The following BRIP1 variants were observed in gnomAD, a reference collection of about 807,000 sequenced individuals.
BRIP1 encodes the protein Fanconi anemia group J protein.
Under a neutral mutation model 119.7 loss-of-function variants are expected in BRIP1, and 88 were observed. That is an observed-to-expected ratio of 0.74 (90% CI 0.62 to 0.88). BRIP1 has a LOEUF of 0.88. BRIP1 is among the 40% of genes least tolerant of loss of function. BRIP1 has a pLI of 0.00. For missense variants in BRIP1, 1,259 were observed against 1,455.4 expected (o/e 0.87, Z 2.20); for synonymous variants, 443 against 496.5 (o/e 0.89, Z 1.43).
chr17:61,765,193 A>G (rs1477710655), intron 14 of BRIP1, among the ~76,000 whole-genome samples: 1 of 150,732 alleles, frequency 6.6e-6, no homozygotes, highest in Non-Finnish European at 1.5e-5. Flanking sequence ...GCATCAAAAA[A>G]TTGACCAAGA....
rs957169880 is a variant in BRIP1, at chr17:61,743,504, T to C, written c.2258-370A>G. ...CCTGAAAGTAAAATTCTCAGAATAA[T>C]TGAAATAATTGTAATTGATAATACA... On this transcript the variant is annotated intron_variant, in intron 15 of 19. Transcript: ENST00000259008. The surrounding 1 kb of genome is among the most constrained non-coding windows in gnomAD (Gnocchi z 4.3). Among the ~76,000 whole-genome samples the C allele has an allele frequency of 6.6e-6, 1 of 152,138 alleles. No individual in the cohort carries two copies. The highest frequency in any genetic ancestry group is 2.4e-5 in the African/African-American group (1 of 41,426).
rs2078511918 is a variant in BRIP1, at chr17:61,832,736, G to A, written c.627+14365C>T. Among the ~76,000 whole-genome samples, 1 of 152,166 alleles carries A rather than the reference G, an allele frequency of 6.6e-6. No homozygotes were observed. Among genetic ancestry groups the A allele is most frequent in the African/African-American group, 2.4e-5 (1 of 41,430 alleles). The stretch of plus-strand genomic sequence containing the variant: ...CTAAATGCAATGCATGGTTCTGACT[G>A]GATTCTTTTGCTTTTATAAAAGCGT... On this transcript the variant is annotated intron_variant, in intron 6 of 19. Transcript: ENST00000259008. The surrounding 1 kb of genome is among the most constrained non-coding windows in gnomAD (Gnocchi z 5.5).
intron 10 of BRIP1, among the ~76,000 whole-genome samples, chr17:61,787,413 T>TTTATATAAAA (rs2077744983): frequency 2.8e-5 from 3 of 108,206 alleles, no homozygotes; most frequent in Non-Finnish European, 5.7e-5. Context: ...TATAAAATAT[T>TTTATATAAAA]TATATAAAAT....
chr17:61,679,256 A>T lies in BRIP1; in HGVS notation c.*4040T>A, dbSNP rs111580456. Among the ~76,000 whole-genome samples the T allele has an allele frequency of 3.5e-3, 527 of 152,362 alleles. 3 individuals are homozygous for T. The highest frequency in any genetic ancestry group is 6.1e-3 in the Non-Finnish European group (414 of 68,028). The stretch of plus-strand genomic sequence containing the variant: ...TTGAATAGAAAGATCTTAACAACAA[A>T]GCCTTATAGAAACTTAGAAACAGTG... On this transcript the variant is annotated 3_prime_UTR_variant, in exon 20 of 20. Coordinates refer to ENST00000259008, the MANE Select transcript of BRIP1 (RefSeq NM_032043.3). This position sits in a 1 kb window ranked among gnomAD's most constrained non-coding sequence, Gnocchi z 4.4.
In BRIP1 at chr17:61,699,520, T is replaced by C. The variant is rs979455041; in HGVS notation, c.2493-6008A>G. Among the ~76,000 whole-genome samples, 1 of 152,198 alleles carries C rather than the reference T, an allele frequency of 6.6e-6. No homozygotes were observed. Among genetic ancestry groups the C allele is most frequent in the Non-Finnish European group, 1.5e-5 (1 of 68,034 alleles). On this transcript the variant is annotated intron_variant, in intron 17 of 19. Transcript: ENST00000259008. The surrounding 1 kb of genome is among the most constrained non-coding windows in gnomAD (Gnocchi z 4.8). ...TAAACTAGTCAGGAAAATTGCCAAC[T>C]TAATTTCAATAGTACAAAAAAATGG... is the stretch of plus-strand genomic sequence containing the variant.
At position 61,861,661 on chromosome 17, in the gene BRIP1, C is replaced by T. The variant is rs1205333558; in HGVS notation, c.-30-92G>A. ...TAAGGGAGAAATCTGGAAACAGAAA[C>T]TGGAATTAATAAAAGTATAAACAAA... On this transcript the variant is annotated intron_variant, in intron 1 of 19. Coordinates refer to ENST00000259008, the MANE Select transcript of BRIP1 (RefSeq NM_032043.3). The surrounding 1 kb of genome is among the most constrained non-coding windows in gnomAD (Gnocchi z 4.5). 4.1e-6 allele frequency: 3 copies of T among 726,194 alleles called. No individual in the cohort carries two copies. In the South Asian group the frequency reaches 4.6e-5, roughly 11 times the overall value. The allele number at this position is 726,194 out of a possible 1,614,324, so 45.0% of individuals were successfully genotyped here. A position where few individuals can be genotyped will look rare whatever the true frequency, so the allele number is the denominator to read the frequency against.
Position 61,852,121 on chromosome 17 carries a change from G to T in BRIP1, c.380-2865C>A, listed in dbSNP as rs1048162457. 5.9e-5 allele frequency among the ~76,000 whole-genome samples: 9 copies of T among 152,304 alleles called. No individual in the cohort carries two copies. The highest frequency in any genetic ancestry group is 5.9e-4 in the Admixed American group (9 of 15,292). ...TGGGCCTATTAAGAGGGTAGGGAAT[G>T]TCCACCCAAAATGATCATTTAGTTT... is the stretch of plus-strand genomic sequence containing the variant. On this transcript the variant is annotated intron_variant, in intron 4 of 19. Transcript: ENST00000259008. The surrounding 1 kb of genome is among the most constrained non-coding windows in gnomAD (Gnocchi z 4.9).
rs1013467000 is a variant in BRIP1 at position 61,693,005 on chromosome 17, G to T, written c.2575+425C>A. ...CAGATGAATGGATAAAGAAAATATG[G>T]TATAATGTATACATAAAATAAAATA... On this transcript the variant is annotated intron_variant, in intron 18 of 19. Coordinates refer to ENST00000259008, the MANE Select transcript of BRIP1 (RefSeq NM_032043.3). This position sits in a 1 kb window ranked among gnomAD's most constrained non-coding sequence, Gnocchi z 4.2. Among the ~76,000 whole-genome samples, 4 of 152,036 alleles carry T rather than the reference G, an allele frequency of 2.6e-5. No individual in the cohort carries two copies. Among genetic ancestry groups the T allele is most frequent in the African/African-American group, 9.7e-5 (4 of 41,380 alleles).
At position 61,846,009 on chromosome 17, in the gene BRIP1, C is replaced by T. The variant is rs1021368683; in HGVS notation, c.627+1092G>A. On this transcript the variant is annotated intron_variant, in intron 6 of 19. Transcript: ENST00000259008. This position sits in a 1 kb window ranked among gnomAD's most constrained non-coding sequence, Gnocchi z 4.3. ...CATCCTGGCTAACGTGGTGAAACCCCGTCTCTACTAAAAATACAAAAAATT... is the reference window on the plus strand; with the variant it reads ...CATCCTGGCTAACGTGGTGAAACCCTGTCTCTACTAAAAATACAAAAAATT... 6.6e-6 allele frequency among the ~76,000 whole-genome samples: 1 copy of T among 151,636 alleles called. No individual in the cohort carries two copies. Among genetic ancestry groups the T allele is most frequent in the Non-Finnish European group, 1.5e-5 (1 of 67,924 alleles).
rs2078541055 is a variant in BRIP1 at position 61,834,454 on chromosome 17, T to C, written c.627+12647A>G. Among the ~76,000 whole-genome samples, 1 of 152,134 alleles carries C rather than the reference T, an allele frequency of 6.6e-6. No homozygotes were observed. The highest frequency in any genetic ancestry group is 2.4e-5 in the African/African-American group (1 of 41,416). On this transcript the variant is annotated intron_variant, in intron 6 of 19. Transcript: ENST00000259008. The surrounding 1 kb of genome is among the most constrained non-coding windows in gnomAD (Gnocchi z 4.4). Reference sequence around the variant, plus strand: ...GTTCTCTATGGTGGAAATGTTTACATATATACTCAGTTGATACTGGGTATA... The same window carrying C: ...GTTCTCTATGGTGGAAATGTTTACACATATACTCAGTTGATACTGGGTATA...
rs2078398507 is a variant in BRIP1 at position 61,825,792 on chromosome 17, A to G, written c.628-17035T>C. ...GAAAAAACCTTCCATGTTCATGGAT[A>G]GGAATAATCAGTATCATTAAAAAGG... On this transcript the variant is annotated intron_variant, in intron 6 of 19. Transcript: ENST00000259008. The surrounding 1 kb of genome is among the most constrained non-coding windows in gnomAD (Gnocchi z 4.1). Among the ~76,000 whole-genome samples, 1 of 152,142 alleles carries G rather than the reference A, an allele frequency of 6.6e-6. No individual in the cohort carries two copies. Among genetic ancestry groups the G allele is most frequent in the Non-Finnish European group, 1.5e-5 (1 of 68,018 alleles).
rs1231127385 is a variant in BRIP1 at position 61,736,437 on chromosome 17, A to T, written c.2379+6576T>A. 1.3e-5 allele frequency among the ~76,000 whole-genome samples: 2 copies of T among 152,214 alleles called. No individual in the cohort carries two copies. Among genetic ancestry groups the T allele is most frequent in the African/African-American group, 4.8e-5 (2 of 41,460 alleles). On this transcript the variant is annotated intron_variant, in intron 16 of 19. Transcript: ENST00000259008. The surrounding 1 kb of genome is among the most constrained non-coding windows in gnomAD (Gnocchi z 4.4). ...TTATGTTCTACTATGTATTAAATAA[A>T]GTGTAAGATGCTGTTGAGGATTGAG...
rs2078669197 is a variant in BRIP1 at position 61,842,320 on chromosome 17, A to ATTCATAACAAG, written c.627+4780_627+4781insCTTGTTATGAA. 6.6e-6 allele frequency among the ~76,000 whole-genome samples: 1 copy of ATTCATAACAAG among 152,124 alleles called. No homozygotes were observed. The highest frequency in any genetic ancestry group is 1.5e-5 in the Non-Finnish European group (1 of 67,992). ...AGGATAAGGAGAGGTGGGTTTACAAATTCATAACTACAGCTAGATTGGAGA... is the reference window on the plus strand; with the variant it reads ...AGGATAAGGAGAGGTGGGTTTACAAATTCATAACAAGTTCATAACTACAGCTAGATTGGAGA... On this transcript the variant is annotated intron_variant, in intron 6 of 19. Transcript: ENST00000259008. The surrounding 1 kb of genome is among the most constrained non-coding windows in gnomAD (Gnocchi z 5.1).
Position 61,690,837 on chromosome 17 carries a change from A to G in BRIP1, c.2575+2593T>C, listed in dbSNP as rs1047440690. 4.6e-5 allele frequency among the ~76,000 whole-genome samples: 7 copies of G among 152,226 alleles called. No homozygotes were observed. Among genetic ancestry groups the G allele is most frequent in the Non-Finnish European group, 8.8e-5 (6 of 68,034 alleles). ...CTGTTAGGACTAATAAATCCAGTAA[A>G]GTTGCAGAATACAAAAATCAATGTA... On this transcript the variant is annotated intron_variant, in intron 18 of 19. Coordinates refer to ENST00000259008, the MANE Select transcript of BRIP1 (RefSeq NM_032043.3). The surrounding 1 kb of genome is among the most constrained non-coding windows in gnomAD (Gnocchi z 5.6).
In BRIP1 at chr17:61,828,122, T is replaced by A. The variant is rs1270253857; in HGVS notation, c.627+18979A>T. Reference sequence around the variant, plus strand: ...CGTACACCAATGTTCACAGCAGCATTATTCAAAATAGCAAAAAGATGGAAA... The same window carrying A: ...CGTACACCAATGTTCACAGCAGCATAATTCAAAATAGCAAAAAGATGGAAA... On this transcript the variant is annotated intron_variant, in intron 6 of 19. Coordinates refer to ENST00000259008, the MANE Select transcript of BRIP1 (RefSeq NM_032043.3). This position sits in a 1 kb window ranked among gnomAD's most constrained non-coding sequence, Gnocchi z 4.1. 1.3e-5 allele frequency among the ~76,000 whole-genome samples: 2 copies of A among 152,188 alleles called. No individual in the cohort carries two copies. The highest frequency in any genetic ancestry group is 2.9e-5 in the Non-Finnish European group (2 of 68,036).
At position 61,810,121 on chromosome 17, in the gene BRIP1, A is replaced by G. The variant is rs1197792483; in HGVS notation, c.628-1364T>C. Among the ~76,000 whole-genome samples the G allele has an allele frequency of 6.6e-6, 1 of 152,250 alleles. No individual in the cohort carries two copies. The highest frequency in any genetic ancestry group is 1.5e-5 in the Non-Finnish European group (1 of 68,044). On this transcript the variant is annotated intron_variant, in intron 6 of 19. Coordinates refer to ENST00000259008, the MANE Select transcript of BRIP1 (RefSeq NM_032043.3). This position sits in a 1 kb window ranked among gnomAD's most constrained non-coding sequence, Gnocchi z 4.7. The stretch of plus-strand genomic sequence containing the variant: ...GTTACAGCCATGCTGGAATTGTTAC[A>G]TTCTCCTCTCAGGTTGCCAGTAACA...
chr17:61,688,113 G>T (rs531090928), intron 18 of BRIP1, among the ~76,000 whole-genome samples: 1 of 152,112 alleles, frequency 6.6e-6, no homozygotes, highest in East Asian at 1.9e-4. Flanking sequence ...CTAGGGACTC[G>T]TTTCTGTCTT....
At position 61,803,685 on chromosome 17, in the gene BRIP1, A is replaced by T. The variant is rs2078029852; in HGVS notation, c.919-2211T>A. On this transcript the variant is annotated intron_variant, in intron 7 of 19. Transcript: ENST00000259008. This position sits in a 1 kb window ranked among gnomAD's most constrained non-coding sequence, Gnocchi z 4.3. ...AAAATGTTTGATAAAACCCAGCCCTAACAAGTGTCTCATATACTATTAAAA... is the reference window on the plus strand; with the variant it reads ...AAAATGTTTGATAAAACCCAGCCCTTACAAGTGTCTCATATACTATTAAAA... Among the ~76,000 whole-genome samples the T allele has an allele frequency of 2.0e-5, 3 of 152,180 alleles. No homozygotes were observed.
chr17:61,718,916 C>T (rs976287666), intron 16 of BRIP1, among the ~76,000 whole-genome samples: 1 of 152,092 alleles, frequency 6.6e-6, no homozygotes, highest in Non-Finnish European at 1.5e-5. Flanking sequence ...CTCTGGATTA[C>T]TTTAATAGCT....
Sources: gnomAD v4.1 joint callset for allele counts (sites outside exome capture counted in the v4.1 genomes callset) on GRCh38, gnomAD v4.1.1 for gene constraint, Gnocchi (gnomAD v3.1) non-coding constraint, MANE v1.5 for transcripts, NCBI Gene and HGNC (gene_info 2026-07-23, HGNC 2026-07-21) for gene names.